Variants in CATSPERE observed in about 807,000 individuals in gnomAD.
CATSPERE encodes the protein cation channel sperm-associated auxiliary subunit epsilon.
In CATSPERE, 93 loss-of-function variants were observed where a neutral mutation model predicts 114.1. The observed-to-expected ratio is 0.81, with a 90% CI of 0.69 to 0.97. The LOEUF is 0.97. Among genes scored for constraint, CATSPERE ranks in the 50% least tolerant of loss-of-function variants. The pLI, the probability that CATSPERE is intolerant of heterozygous loss-of-function variation, is 0.00. For synonymous variants in CATSPERE, 341 were observed against 384.1 expected (o/e 0.89, Z 1.31); for missense variants, 1,058 against 1,131.6 (o/e 0.93, Z 0.93).
intron 10 of CATSPERE, among the ~76,000 whole-genome samples, chr1:244,561,504 A>C (rs1019278757): frequency 2.6e-5 from 4 of 152,212 alleles, no homozygotes; most frequent in African/African-American, 9.6e-5. Context: ...GACTTAAAAC[A>C]ACATAAATGT....
chr1:244,466,197 A>G (rs1260038988), intron 2 of CATSPERE, among the ~76,000 whole-genome samples: 3 of 152,232 alleles, frequency 2.0e-5, no homozygotes, highest in African/African-American at 7.2e-5. Flanking sequence ...CCAATGTAGT[A>G]GTTCAATATG....
chr1:244,556,144 G>A (rs1363156534), intron 9 of CATSPERE, among the ~76,000 whole-genome samples: 1 of 152,156 alleles, frequency 6.6e-6, no homozygotes, highest in Non-Finnish European at 1.5e-5. Flanking sequence ...GCTGCAGTGA[G>A]CTGTGATCAC....
At chr1:244,567,905 T>C (rs1002879479) in intron 10 of CATSPERE, among the ~76,000 whole-genome samples, 8 of 152,150 alleles carry the variant, frequency 5.3e-5, no homozygotes, top group African/African-American at 1.9e-4. Flanking sequence ...TGTGATCCTT[T>C]GGAGGGGAAG....
chr1:244,566,652 CTTTTT>C (rs59466928), intron 10 of CATSPERE, among the ~76,000 whole-genome samples: 18 of 49,122 alleles, frequency 3.7e-4, no homozygotes, highest in East Asian at 7.0e-4. Flanking sequence ...GCAACCCCTG[CTTTTT>C]TTTTTTTTTT....
chr1:244,505,924 T>C (rs762456077), intron 7 of CATSPERE, among the ~76,000 whole-genome samples: 18 of 152,112 alleles, frequency 1.2e-4, no homozygotes, highest in Non-Finnish European at 7.4e-5. Context: ...GAGAATCACT[T>C]GAACCCGGGA....
At chr1:244,602,293 T>TTATA (rs1669356742) in intron 17 of CATSPERE, among the ~76,000 whole-genome samples, 1 of 152,194 alleles carries the variant, frequency 6.6e-6, no homozygotes, top group South Asian at 2.1e-4. Context: ...TTCCACTGAA[T>TTATA]TATAGTATAC....
intron 10 of CATSPERE, among the ~76,000 whole-genome samples, chr1:244,564,426 T>C (rs948221135): frequency 4.6e-5 from 7 of 152,216 alleles, no homozygotes; most frequent in Admixed American, 1.3e-4. Context: ...TCTTATTTCC[T>C]TGAGCAGTGG....
chr1:244,516,761 AT>A (rs1251264718), intron 7 of CATSPERE, among the ~76,000 whole-genome samples: 1 of 151,944 alleles, frequency 6.6e-6, no homozygotes, highest in East Asian at 1.9e-4. Flanking sequence ...ACTTCAGGTG[AT>A]CCACCTACGT....
chr1:244,457,862 T>G (rs1286127582), upstream of CATSPERE, among the ~76,000 whole-genome samples: 1 of 152,202 alleles, frequency 6.6e-6, no homozygotes, highest in Non-Finnish European at 1.5e-5. Context: ...TCAGCTTTCT[T>G]TGGTCTATAT....
chr1:244,619,777 G>T (rs763742347), intron 20 of CATSPERE, among the ~76,000 whole-genome samples: 3 of 151,974 alleles, frequency 2.0e-5, no homozygotes, highest in Non-Finnish European at 2.9e-5. Context: ...ACATTAAATG[G>T]GATTTAAAAA....
At chr1:244,585,303 C>T (rs1666877000) in intron 13 of CATSPERE, among the ~76,000 whole-genome samples, 1 of 152,200 alleles carries the variant, frequency 6.6e-6, no homozygotes, top group Admixed American at 6.5e-5. Flanking sequence ...ATGCCTATTA[C>T]ATAGTAATTA....
chr1:244,584,015 T>G, intron 13 of CATSPERE, 76 bp downstream of exon 13: 1 of 1,110,852 alleles, frequency 9.0e-7, no homozygotes, highest in Non-Finnish European at 1.4e-6. Flanking sequence ...ATGCATACAA[T>G]ACCTCCGTAC....
At chr1:244,498,825 G>C (rs575101918) in intron 6 of CATSPERE, among the ~76,000 whole-genome samples, 177 bp from the exon 7 acceptor site, 9 of 152,230 alleles carry the variant, frequency 5.9e-5, no homozygotes, top group African/African-American at 2.2e-4. Flanking sequence ...TTGAACCCAG[G>C]AGGCAGAGGT....
chr1:244,538,803 T>C (rs933744868), intron 8 of CATSPERE, among the ~76,000 whole-genome samples: 6 of 152,068 alleles, frequency 3.9e-5, no homozygotes, highest in Non-Finnish European at 8.8e-5. Flanking sequence ...ACAGGACACA[T>C]TGGGAGTACC....
chr1:244,476,317 G>A (rs1246137479), intron 2 of CATSPERE, among the ~76,000 whole-genome samples: 2 of 151,908 alleles, frequency 1.3e-5, no homozygotes, highest in Non-Finnish European at 2.9e-5. Flanking sequence ...AATGTATATA[G>A]TTTTAACATA....
At chr1:244,525,992 G>T (rs1678527270) in intron 8 of CATSPERE, among the ~76,000 whole-genome samples, 1 of 152,128 alleles carries the variant, frequency 6.6e-6, no homozygotes, top group East Asian at 1.9e-4. Flanking sequence ...CCTCATCTGT[G>T]GCCTCATGGT....
chr1:244,538,035 A>G (rs112131772), intron 8 of CATSPERE, among the ~76,000 whole-genome samples: 15 of 152,270 alleles, frequency 9.9e-5, no homozygotes, highest in Admixed American at 3.9e-4. Context: ...GTAAAAATGC[A>G]TGGGAGGCCA....
At chr1:244,621,059 T>A (rs1442348458) in intron 20 of CATSPERE, among the ~76,000 whole-genome samples, 1 of 42,842 alleles carries the variant, frequency 2.3e-5, no homozygotes, top group Non-Finnish European at 4.3e-5. Context: ...TAAATATATA[T>A]AAATATATAT....
In CATSPERE at chr1:244,560,681, G is replaced by T. The variant is rs1250873752; in HGVS notation, c.1043G>T (p.Arg348Ile). Residue 348 changes from arginine to isoleucine, a missense_variant, in exon 10 of 22, where the codon AGA (arginine) becomes ATA (isoleucine). Arg to Ile is a moderately conservative substitution (Grantham distance 97). Coordinates refer to ENST00000366534, the MANE Select transcript of CATSPERE (RefSeq NM_001130957.2). ...ATTTTGTCACAGGCTAAAGGAAGAA[G>T]AAGCACCTTTGCAGTCTGGACAGAA... ...VNYLLKAKGR[R>I]STFAVWTENE... The T allele has an allele frequency of 1.9e-6, 3 of 1,590,872 alleles. No homozygotes were observed. The highest frequency in any genetic ancestry group is 2.7e-5 in the African/African-American group (2 of 73,970).
Sources: gnomAD v4.1 joint callset for allele counts (sites outside exome capture counted in the v4.1 genomes callset) on GRCh38, gnomAD v4.1.1 for gene constraint, MANE v1.5 for transcripts, NCBI Gene and HGNC (gene_info 2026-07-23, HGNC 2026-07-21) for gene names.